COPB2: variants seen among roughly 807,000 people sequenced by gnomAD.
COPB2 encodes coatomer subunit beta'.
COPB2 carries 16 observed loss-of-function variants against 120.8 expected under a neutral mutation model. That is an observed-to-expected ratio of 0.13 (90% confidence interval 0.09 to 0.20). The LOEUF is 0.20. Among genes scored for constraint, COPB2 ranks in the 10% least tolerant of loss-of-function variants. The pLI is 1.00. For synonymous variants in COPB2, 332 were observed against 366.3 expected, an observed-to-expected ratio of 0.91 and a Z score of 1.07; for missense variants, 794 against 1,076.5, an observed-to-expected ratio of 0.74 and a Z score of 3.67.
chr3:139,368,919 G>A (rs1186897671), intron 12 of COPB2, among the ~76,000 whole-genome samples: 4 of 152,142 alleles, frequency 2.6e-5, no homozygotes, highest in Admixed American at 6.5e-5. Flanking sequence ...TCATCAAAAT[G>A]TATGAAAAGG....
chr3:139,368,496 C>T (rs1029269517), intron 12 of COPB2, among the ~76,000 whole-genome samples: 4 of 152,092 alleles, frequency 2.6e-5, no homozygotes, highest in African/African-American at 9.7e-5. Flanking sequence ...CAAAGGGAGA[C>T]AGGAAAGGAG....
chr3:139,373,062 G>C (rs1941649268), intron 9 of COPB2, 151 bp downstream of exon 9: 1 of 710,078 alleles, frequency 1.4e-6, no homozygotes, highest in Non-Finnish European at 2.4e-6. Context: ...TGGCATGGCT[G>C]ACTGCAGCTG....
At chr3:139,384,302 TAAC>T (rs1469561152) in intron 1 of COPB2, among the ~76,000 whole-genome samples, 1 of 152,236 alleles carries the variant, frequency 6.6e-6, no homozygotes, top group African/African-American at 2.4e-5. Context: ...TTCTAGATGC[TAAC>T]AACATCATGA....
intron 16 of COPB2, among the ~76,000 whole-genome samples, chr3:139,361,667 TA>T (rs1454352405): frequency 1.3e-5 from 2 of 152,206 alleles, no homozygotes; most frequent in Non-Finnish European, 2.9e-5. Context: ...ACTACGTCTT[TA>T]AATATTTCAC....
intron 15 of COPB2, among the ~76,000 whole-genome samples, chr3:139,362,925 T>G (rs1941451621): frequency 6.6e-6 from 1 of 152,232 alleles, no homozygotes; most frequent in African/African-American, 2.4e-5. Context: ...CTGTTGGTAA[T>G]CTACTCAACT....
chr3:139,384,386 G>GA (rs980407174), intron 1 of COPB2, among the ~76,000 whole-genome samples: 1 of 152,156 alleles, frequency 6.6e-6, no homozygotes, highest in Non-Finnish European at 1.5e-5. Context: ...TTAAGCATTG[G>GA]AAATCCATCA....
intron 17 of COPB2, among the ~76,000 whole-genome samples, chr3:139,360,485 T>C (rs1576369244): frequency 7.8e-6 from 1 of 128,222 alleles, no homozygotes; most frequent in South Asian, 2.5e-4. Flanking sequence ...GCCACTGCAC[T>C]CCAGCCTGGG....
intron 15 of COPB2, 46 bp from the exon 16 acceptor site, chr3:139,362,563 G>GT: frequency 3.3e-6 from 4 of 1,227,976 alleles, no homozygotes; most frequent in Non-Finnish European, 4.5e-6. Flanking sequence ...ATACAAAAAT[G>GT]TATGTATGTT....
intron 15 of COPB2, among the ~76,000 whole-genome samples, chr3:139,363,619 AG>A (rs1037275881): frequency 2.6e-5 from 4 of 152,188 alleles, no homozygotes; most frequent in Admixed American, 6.5e-5. Context: ...TTTTAGCTCT[AG>A]GGATGTAATG....
At chr3:139,370,500 C>CG (rs1407525787) in intron 10 of COPB2, among the ~76,000 whole-genome samples, 1 of 152,160 alleles carries the variant, frequency 6.6e-6, no homozygotes, top group African/African-American at 2.4e-5. Flanking sequence ...AACCACAGAT[C>CG]GGGGGATCGC....
chr3:139,374,358 C>G, intron 7 of COPB2, 131 bp downstream of exon 7: 1 of 685,582 alleles, frequency 1.5e-6, no homozygotes. Context: ...TCTTTTATAG[C>G]TTAAGTCTGG....
chr3:139,366,643 A>G lies in COPB2; in HGVS notation c.1809T>C (p.Phe603=), dbSNP rs1941521627. 7 of 1,613,980 alleles carry G rather than the reference A, an allele frequency of 4.3e-6. 1 individual carries two copies. In the African/African-American group the frequency reaches 6.7e-5, roughly 15 times the overall value. ...TAGGAAGGACCTTATCAGCCATGCT[A>G]AAGTCCCTCCGCATGACAGCTGTCT... is the stretch of plus-strand genomic sequence containing the variant. ...EYQTAVMRRD[F]SMADKVLPTI... is the part of the protein sequence containing the mutation. The change falls in exon 15 of 22, where the codon TTT becomes TTC. Residue 603 remains phenylalanine (F), a synonymous_variant. Coordinates refer to ENST00000333188, the MANE Select transcript of COPB2 (RefSeq NM_004766.3).
chr3:139,379,664 T>C, intron 2 of COPB2, 198 bp from the exon 3 acceptor site: 1 of 530,978 alleles, frequency 1.9e-6, no homozygotes, highest in Non-Finnish European at 3.3e-6. Context: ...AAAACACTTT[T>C]TAAAAGATAA....
chr3:139,374,941 A>G (rs1415497331), intron 6 of COPB2, among the ~76,000 whole-genome samples: 1 of 152,212 alleles, frequency 6.6e-6, no homozygotes, highest in Non-Finnish European at 1.5e-5. Context: ...TTAGCCTTTA[A>G]TATTTTTATT....
Position 139,373,292 on chromosome 3 carries a change from C to T in COPB2, c.1015G>A (p.Glu339Lys), listed in dbSNP as rs758466950. The T allele has an allele frequency of 1.1e-5, 18 of 1,614,042 alleles. No homozygotes were observed. Among genetic ancestry groups the T allele is most frequent in the Non-Finnish European group, 1.4e-5 (17 of 1,180,032 alleles). The change falls in exon 9 of 22, where the codon GAA becomes AAA. Residue 339 changes from glutamate to lysine, a missense_variant. Transcript: ENST00000333188. The stretch of plus-strand genomic sequence containing the variant: ...TCCTTTACTGCCAGTGGCAATCTTT[C>T]ACCATCTTTAATTTCAGCATCTCCC... ...AMGDAEIKDG[E>K]RLPLAVKDMG...
chr3:139,368,716 C>T lies in COPB2; in HGVS notation c.1402-428G>A, dbSNP rs1219255163. Among the ~76,000 whole-genome samples the T allele has an allele frequency of 3.3e-5, 5 of 152,194 alleles. No homozygotes were observed. The East Asian group carries it at 9.7e-4, about 29-fold the overall frequency. Reference sequence around the variant, plus strand: ...ATGCATATACATATGTATAGCTATGCTTTATTCATAAAGAGTAAGCCCCCA... The same window carrying T: ...ATGCATATACATATGTATAGCTATGTTTTATTCATAAAGAGTAAGCCCCCA... On this transcript the variant is annotated intron_variant, in intron 12 of 21. Coordinates refer to ENST00000333188, the MANE Select transcript of COPB2 (RefSeq NM_004766.3).
intron 15 of COPB2, 76 bp downstream of exon 15, chr3:139,366,492 G>A (rs1941517795): frequency 7.3e-7 from 1 of 1,366,384 alleles, no homozygotes; most frequent in South Asian, 1.4e-5. Context: ...AAGAAATAAA[G>A]TTTTTCAACT....
intron 4 of COPB2, 28 bp from the exon 5 acceptor site, chr3:139,378,217 T>C (rs764658615): frequency 1.3e-6 from 2 of 1,508,920 alleles, no homozygotes; most frequent in East Asian, 2.3e-5. Flanking sequence ...CTCAAGTTAG[T>C]TGTAATTCTA....
intron 15 of COPB2, among the ~76,000 whole-genome samples, 156 bp from the exon 16 acceptor site, chr3:139,362,673 T>A (rs561382494): frequency 6.1e-4 from 93 of 152,198 alleles, no homozygotes; most frequent in African/African-American, 2.1e-3. Context: ...AATAAGAAGA[T>A]GGAATAATTA....
Sources: allele counts gnomAD v4.1 joint callset (sites outside exome capture counted in the v4.1 genomes callset), GRCh38; gene constraint gnomAD v4.1.1; transcripts MANE v1.5; gene names NCBI Gene and HGNC (gene_info 2026-07-23, HGNC 2026-07-21).